ANKRD13C: variants seen among roughly 807,000 people sequenced by gnomAD.
ANKRD13C encodes ankyrin repeat domain-containing protein 13C.
ANKRD13C carries 16 observed loss-of-function variants against 65.5 expected under a neutral mutation model. The ratio of observed to expected loss-of-function variants is 0.24; its 90% CI spans 0.17 to 0.37. ANKRD13C has a LOEUF of 0.37. ANKRD13C is among the 10% of genes least tolerant of loss of function. ANKRD13C has a pLI of 1.00. For synonymous variants in ANKRD13C, 235 were observed against 238.7 expected, an observed-to-expected ratio of 0.98 and a Z score of 0.14; for missense variants, 503 against 655.9, an observed-to-expected ratio of 0.77 and a Z score of 2.55.
intron 1 of ANKRD13C, among the ~76,000 whole-genome samples, chr1:70,352,210 G>A (rs1236724241): frequency 6.6e-6 from 1 of 151,860 alleles, no homozygotes; most frequent in Non-Finnish European, 1.5e-5. Flanking sequence ...CGCGGTGGTG[G>A]GCGCCTGTAC....
intron 12 of ANKRD13C, among the ~76,000 whole-genome samples, chr1:70,265,087 C>T (rs1024388176): frequency 2.6e-5 from 4 of 152,034 alleles, no homozygotes; most frequent in African/African-American, 9.7e-5. Flanking sequence ...AATAGGCTGC[C>T]AGATCAGGTG....
chr1:70,301,022 G>A (rs927348209), intron 6 of ANKRD13C, 114 bp from the exon 7 acceptor site: 11 of 1,061,736 alleles, frequency 1.0e-5, no homozygotes, highest in East Asian at 3.1e-5. Flanking sequence ...ATACCATATT[G>A]CAAAGTCAAA....
At chr1:70,319,176 T>A (rs1430768373) in intron 3 of ANKRD13C, among the ~76,000 whole-genome samples, 3 of 152,146 alleles carry the variant, frequency 2.0e-5, no homozygotes, top group Non-Finnish European at 4.4e-5. Flanking sequence ...TCTTCTGGGG[T>A]TTTGCAGAGA....
intron 11 of ANKRD13C, among the ~76,000 whole-genome samples, chr1:70,272,846 G>A (rs557809385): frequency 6.6e-6 from 1 of 151,930 alleles, no homozygotes; most frequent in African/African-American, 2.4e-5. Flanking sequence ...AAATTATCCA[G>A]GCGTGGTAGC....
intron 9 of ANKRD13C, among the ~76,000 whole-genome samples, chr1:70,280,726 A>G (rs1679350686): frequency 1.3e-5 from 2 of 152,214 alleles, no homozygotes; most frequent in Non-Finnish European, 2.9e-5. Context: ...GGGCTGTTAA[A>G]TGTAAAGTGC....
chr1:70,278,219 G>A lies in ANKRD13C; in HGVS notation c.1216-1375C>T, dbSNP rs145520657. Among the ~76,000 whole-genome samples the A allele has an allele frequency of 6.1e-3, 924 of 150,362 alleles. 11 individuals are homozygous for A. The highest frequency in any genetic ancestry group is 0.021 in the African/African-American group (848 of 40,874). ...AAAAAAAAAAAAGAACTGGCCAGGC[G>A]TGGTGGCTCATGCCTGTAATCCTAG... On this transcript the variant is annotated intron_variant, in intron 9 of 12. Transcript: ENST00000370944.
intron 2 of ANKRD13C, among the ~76,000 whole-genome samples, chr1:70,334,497 T>C (rs955785446): frequency 1.3e-5 from 2 of 152,092 alleles, no homozygotes; most frequent in African/African-American, 2.4e-5. Flanking sequence ...CATGGTGGCA[T>C]GTGTCTACAG....
In ANKRD13C at chr1:70,283,441, A is replaced by T. The variant is rs572309246; in HGVS notation, c.1216-6597T>A. ...TTTCTAGGTTTGTTATTATTCTAAT[A>T]TTTTATATGGCAAAGCTTTCTGAAA... On this transcript the variant is annotated intron_variant, in intron 9 of 12. Coordinates refer to ENST00000370944, the MANE Select transcript of ANKRD13C (RefSeq NM_030816.5). 1.1e-3 allele frequency among the ~76,000 whole-genome samples: 164 copies of T among 152,224 alleles called. 1 individual carries two copies. Among genetic ancestry groups the T allele is most frequent in the African/African-American group, 3.4e-3 (143 of 41,540 alleles).
At chr1:70,326,276 A>ATCCATTCAT (rs1231652363) in intron 2 of ANKRD13C, among the ~76,000 whole-genome samples, 51 of 146,756 alleles carry the variant, frequency 3.5e-4, no homozygotes, top group African/African-American at 1.3e-3. Flanking sequence ...ACAGCCATCC[A>ATCCATTCAT]TCCATTCATT....
chr1:70,354,368 T>C lies in ANKRD13C; in HGVS notation c.41A>G (p.Lys14Arg). Residue 14 changes from lysine to arginine, a missense_variant, in exon 1 of 13, where the codon AAG becomes AGG. Around this residue, in one of 2 missense-constraint regions of ANKRD13C, gnomAD observed 203 missense variants for 177.6 expected, o/e 1.14. Coordinates refer to ENST00000370944, the MANE Select transcript of ANKRD13C (RefSeq NM_030816.5). ...CAGGTCCCCTTCTTCTTTGCTGGGC[T>C]TGTGGTCCCTCCGCAGTGAGCGGAT... is the stretch of plus-strand genomic sequence containing the variant. The part of the protein sequence containing the change: ...EKIRSLRRDH[K>R]PSKEEGDLLE... The C allele has an allele frequency of 6.2e-7, 1 of 1,614,092 alleles. No individual in the cohort carries two copies.
At chr1:70,323,055 T>C (rs1439412224) in intron 3 of ANKRD13C, among the ~76,000 whole-genome samples, 1 of 151,964 alleles carries the variant, frequency 6.6e-6, no homozygotes, top group Non-Finnish European at 1.5e-5. Context: ...CAGAAGACAA[T>C]CTTGTTTCCT....
At chr1:70,325,675 G>A (rs1294307246) in intron 2 of ANKRD13C, among the ~76,000 whole-genome samples, 1 of 151,642 alleles carries the variant, frequency 6.6e-6, no homozygotes, top group Non-Finnish European at 1.5e-5. Flanking sequence ...TCAGGAGATC[G>A]AGACCATCCT....
intron 9 of ANKRD13C, 66 bp from the exon 10 acceptor site, chr1:70,276,910 A>G: frequency 7.9e-6 from 10 of 1,264,134 alleles, no homozygotes; most frequent in Non-Finnish European, 1.0e-5. Flanking sequence ...TTTTAAATAT[A>G]AGATTAAAAT....
intron 12 of ANKRD13C, among the ~76,000 whole-genome samples, chr1:70,269,039 C>A (rs1006599116): frequency 7.6e-6 from 1 of 131,514 alleles, no homozygotes; most frequent in East Asian, 2.7e-4. Flanking sequence ...TCCCTCCCCC[C>A]TCCCCCCTAA....
chr1:70,311,347 T>C (rs1015719312), intron 5 of ANKRD13C, among the ~76,000 whole-genome samples: 1 of 151,962 alleles, frequency 6.6e-6, no homozygotes, highest in African/African-American at 2.4e-5. Flanking sequence ...ATAAGGCACA[T>C]GCATGTAGTC....
chr1:70,345,370 G>A (rs923678487), intron 1 of ANKRD13C, among the ~76,000 whole-genome samples: 1 of 151,788 alleles, frequency 6.6e-6, no homozygotes, highest in South Asian at 2.1e-4. Flanking sequence ...CAGAGGTTGC[G>A]GTGAGCCGAA....
intron 2 of ANKRD13C, among the ~76,000 whole-genome samples, chr1:70,331,047 TGA>T (rs1265311171): frequency 6.6e-6 from 1 of 152,094 alleles, no homozygotes; most frequent in Non-Finnish European, 1.5e-5. Flanking sequence ...TTAAGATGAG[TGA>T]GAGAAGGAAA....
At chr1:70,306,604 G>T (rs1680595382) in intron 5 of ANKRD13C, among the ~76,000 whole-genome samples, 1 of 152,064 alleles carries the variant, frequency 6.6e-6, no homozygotes, top group African/African-American at 2.4e-5. Flanking sequence ...TAACCCTATG[G>T]TAACTAAACC....
At chr1:70,346,177 A>G (rs1682519200) in intron 1 of ANKRD13C, among the ~76,000 whole-genome samples, 1 of 152,090 alleles carries the variant, frequency 6.6e-6, no homozygotes, top group African/African-American at 2.4e-5. Context: ...CCCAGTCAGT[A>G]TGCAGCAGAG....
Sources: gnomAD v4.1 joint callset for allele counts (sites outside exome capture counted in the v4.1 genomes callset) on GRCh38, gnomAD v4.1.1 for gene constraint, gnomAD v4.1.1 regional missense constraint, MANE v1.5 for transcripts, NCBI Gene and HGNC (gene_info 2026-07-23, HGNC 2026-07-21) for gene names.